PSG5: variants seen among roughly 807,000 people sequenced by gnomAD.
PSG5 encodes the protein pregnancy specific beta-1-glycoprotein 5, also known as pregnancy-specific beta-1-glycoprotein 5.
Under a neutral mutation model 37.7 loss-of-function variants are expected in PSG5, and 53 were observed. The ratio of observed to expected loss-of-function variants is 1.41; its 90% CI spans 1.13 to 1.77. The LOEUF (loss-of-function observed/expected upper bound fraction) is 1.77, where lower values mean the gene tolerates loss of function less well. Ranked by LOEUF, PSG5 falls within the 40% of genes most tolerant of loss-of-function variation. The pLI is 0.00. For synonymous variants in PSG5, 221 were observed against 155.4 expected (o/e 1.42, Z -3.14); for missense variants, 547 against 405.2 (o/e 1.35, Z -3.00).
At chr19:43,180,476 A>G (rs1455990470) in intron 2 of PSG5, 1 of 151,556 alleles carries the variant, frequency 6.6e-6, no homozygotes, top group Non-Finnish European at 1.5e-5. Flanking sequence ...AGTGGTCAGA[A>G]GGGTTGAGTT....
intron 2 of PSG5, among the ~76,000 whole-genome samples, chr19:43,184,442 C>T (rs1011573374): frequency 2.6e-5 from 4 of 151,610 alleles, no homozygotes; most frequent in African/African-American, 9.7e-5. Context: ...GGGGGCCCCT[C>T]AGGCCAAAGC....
Position 43,170,048 on chromosome 19 carries a change from A to T in PSG5, c.*40+7T>A, listed in dbSNP as rs768487083. 4.0e-6 allele frequency: 6 copies of T among 1,493,612 alleles called. No homozygotes were observed. The highest frequency in any genetic ancestry group is 5.5e-6 in the Non-Finnish European group (6 of 1,081,174). 92.5% of individuals were successfully genotyped at this position (1,493,612 alleles called of 1,614,324 possible). A position where few individuals can be genotyped will look rare whatever the true frequency, so the allele number is the denominator to read the frequency against. ...AGGAACCAGGATAAGAGAAAAGGCC[A>T]TCATACCTGCCAGTCTTCCTGAAAT... On this transcript the variant is annotated splice_region_variant and intron_variant, in intron 5 of 5. Transcript: ENST00000342951.
intron 1 of PSG5, 64 bp from the exon 2 acceptor site, chr19:43,185,211 C>G: frequency 6.6e-7 from 1 of 1,505,670 alleles, no homozygotes; most frequent in Non-Finnish European, 9.0e-7. Context: ...AAGATGGAGC[C>G]CTGGGTCCTG....
intron 2 of PSG5, chr19:43,183,464 A>C (rs200091048): frequency 3.8e-6 from 2 of 527,968 alleles, no homozygotes. Flanking sequence ...CCTGTGCTGG[A>C]GCAGGGTCTG....
At chr19:43,181,828 A>G (rs1256781948) in intron 2 of PSG5, among the ~76,000 whole-genome samples, 2 of 151,738 alleles carry the variant, frequency 1.3e-5, no homozygotes, top group Admixed American at 6.6e-5. Context: ...ACCGAGTGAC[A>G]AATTTCAAGC....
chr19:43,174,795 TG>T, intron 4 of PSG5: 2 of 1,181,340 alleles, frequency 1.7e-6, no homozygotes, highest in South Asian at 3.2e-5. Context: ...TCGTCTCATT[TG>T]GGGGAAAAGT....
rs372452998 is a variant in PSG5 at position 43,175,475 on chromosome 19, G to A, written c.710-6C>T. On this transcript the variant is annotated splice_polypyrimidine_tract_variant and splice_region_variant and intron_variant, in intron 3 of 5. Transcript: ENST00000342951. ...GCTGGGGAGGTCTGGACCATCTGGAGCAAAGAGAATGAAGCCACAGGTGAT... is the reference window on the plus strand; with the variant it reads ...GCTGGGGAGGTCTGGACCATCTGGAACAAAGAGAATGAAGCCACAGGTGAT... 3.3e-5 allele frequency: 53 copies of A among 1,601,468 alleles called. 2 individuals carry two copies. The highest frequency in any genetic ancestry group is 1.9e-4 in the Admixed American group (11 of 59,052).
chr19:43,178,258 G>A (rs1204957443), intron 2 of PSG5, among the ~76,000 whole-genome samples: 1 of 151,586 alleles, frequency 6.6e-6, no homozygotes, highest in Non-Finnish European at 1.5e-5. Flanking sequence ...TATGAGATTT[G>A]TTCCATCAGT....
At chr19:43,177,816 G>C (rs62115021) in intron 2 of PSG5, among the ~76,000 whole-genome samples, 1 of 151,388 alleles carries the variant, frequency 6.6e-6, no homozygotes, top group African/African-American at 2.4e-5. Context: ...GGGTAGTATT[G>C]TCTTTCTAAC....
chr19:43,173,878 T>G (rs367741717), intron 4 of PSG5, among the ~76,000 whole-genome samples: 9 of 151,358 alleles, frequency 5.9e-5, no homozygotes, highest in African/African-American at 2.2e-4. Flanking sequence ...AAACTCCCCA[T>G]AGAAATGAAA....
chr19:43,170,444 C>A, intron 4 of PSG5: 1 of 447,492 alleles, frequency 2.2e-6, no homozygotes, highest in Non-Finnish European at 4.3e-6. Flanking sequence ...CACCTTTTCA[C>A]CTTTTCATGG....
intron 2 of PSG5, among the ~76,000 whole-genome samples, chr19:43,179,564 C>T (rs1340458435): frequency 4.6e-5 from 7 of 151,790 alleles, no homozygotes; most frequent in Non-Finnish European, 1.0e-4. Context: ...GTTTTCTCTG[C>T]AGCTTCCCTT....
Position 43,185,155 on chromosome 19 carries a change from G to T in PSG5, c.65-8C>A, listed in dbSNP as rs745565302. The T allele has an allele frequency of 3.8e-6, 6 of 1,592,066 alleles. No individual in the cohort carries two copies. The African/African-American group carries it at 8.1e-5, about 22-fold the overall frequency. On this transcript the variant is annotated splice_polypyrimidine_tract_variant and splice_region_variant and intron_variant, in intron 1 of 5. Transcript: ENST00000342951. ...AGAAGTTTAAAAGTGATGCTAGGAG[G>T]TGGAGAAAGCACCAGTCAATATTGA...
chr19:43,181,769 A>C (rs1023217792), intron 2 of PSG5, among the ~76,000 whole-genome samples: 7 of 151,748 alleles, frequency 4.6e-5, no homozygotes, highest in African/African-American at 1.5e-4. Context: ...GAGGGATTTT[A>C]ATGAGTTGTT....
intron 4 of PSG5, chr19:43,174,451 T>A (rs543044079): frequency 1.3e-6 from 1 of 789,842 alleles, no homozygotes; most frequent in African/African-American, 1.9e-5. Flanking sequence ...AATCTCTCTA[T>A]TTCTCCAGCT....
chr19:43,180,430 A>C (rs939110489), intron 2 of PSG5: 7 of 151,692 alleles, frequency 4.6e-5, no homozygotes, highest in African/African-American at 1.5e-4. Flanking sequence ...TAAAATCCAC[A>C]ATGCGCCAGT....
At chr19:43,186,219 A>T in intron 1 of PSG5, 123 bp downstream of exon 1, 2 of 1,511,440 alleles carry the variant, frequency 1.3e-6, no homozygotes, top group Non-Finnish European at 1.8e-6. Context: ...CTCATAATCC[A>T]CCCACCTCAT....
chr19:43,176,915 G>A (rs1969023619), intron 2 of PSG5, among the ~76,000 whole-genome samples: 1 of 151,396 alleles, frequency 6.6e-6, no homozygotes, highest in Non-Finnish European at 1.5e-5. Flanking sequence ...TTCTGCAGAG[G>A]GCAGGTGAGG....
At chr19:43,176,244 C>T (rs1213857327) in intron 2 of PSG5, 96 bp from the exon 3 acceptor site, 4 of 1,543,938 alleles carry the variant, frequency 2.6e-6, no homozygotes, top group Middle Eastern at 2.3e-4. Context: ...ACCTGTCAAC[C>T]CACCAGAGTC....
Sources: allele counts gnomAD v4.1 joint callset (sites outside exome capture counted in the v4.1 genomes callset), GRCh38; gene constraint gnomAD v4.1.1; transcripts MANE v1.5; gene names NCBI Gene and HGNC (gene_info 2026-07-23, HGNC 2026-07-21).